PLXDC1: variants seen among roughly 807,000 people sequenced by gnomAD.
The protein encoded by PLXDC1 is plexin domain containing 1.
PLXDC1 carries 39 observed loss-of-function variants against 61.3 expected under a neutral mutation model. The observed-to-expected ratio is 0.64, with a 90% CI of 0.49 to 0.83. The LOEUF (loss-of-function observed/expected upper bound fraction) is 0.83. Ranked by LOEUF, PLXDC1 falls within the 40% of genes least tolerant of loss-of-function variation. PLXDC1 has a pLI of 0.00. For missense variants in PLXDC1, 596 were observed against 666.5 expected, an observed-to-expected ratio of 0.89 and a Z score of 1.17; for synonymous variants, 212 against 254.5, an observed-to-expected ratio of 0.83 and a Z score of 1.59.
intron 1 of PLXDC1, among the ~76,000 whole-genome samples, chr17:39,142,438 C>G (rs961530480): frequency 6.6e-6 from 1 of 152,212 alleles, no homozygotes; most frequent in African/African-American, 2.4e-5. Flanking sequence ...CAGGCCATTT[C>G]GCGGCCATGC....
intron 2 of PLXDC1, among the ~76,000 whole-genome samples, chr17:39,112,460 T>TTC (rs1567764778): frequency 2.1e-5 from 3 of 145,890 alleles, no homozygotes; most frequent in Non-Finnish European, 4.5e-5. Context: ...TTTCTTTCTT[T>TTC]TTTTTTTTTT....
At chr17:39,146,607 T>G (rs1376052647) in intron 1 of PLXDC1, among the ~76,000 whole-genome samples, 2 of 151,432 alleles carry the variant, frequency 1.3e-5, no homozygotes, top group Non-Finnish European at 2.9e-5. Context: ...AGCCCAGGAG[T>G]TGGAGATCAG....
chr17:39,152,524 C>T (rs1235277990), upstream of PLXDC1: 12 of 1,238,384 alleles, frequency 9.7e-6, no homozygotes, highest in South Asian at 3.7e-5. Context: ...CACGAAGATG[C>T]CTCTTCCCTC....
chr17:39,089,697 A>G (rs1018665683), intron 7 of PLXDC1, among the ~76,000 whole-genome samples: 1 of 152,174 alleles, frequency 6.6e-6, no homozygotes, highest in Non-Finnish European at 1.5e-5. Context: ...GGCATCCACA[A>G]AGGGGTGGGC....
chr17:39,085,125 T>C (rs568596957), intron 8 of PLXDC1, among the ~76,000 whole-genome samples: 1 of 152,366 alleles, frequency 6.6e-6, no homozygotes, highest in South Asian at 2.1e-4. Context: ...ATGTGATCCA[T>C]TAACTCAGGA....
chr17:39,092,274 G>A (rs377015417), intron 7 of PLXDC1, among the ~76,000 whole-genome samples: 37 of 151,990 alleles, frequency 2.4e-4, no homozygotes, highest in African/African-American at 8.4e-4. Context: ...GGGTCTCCCT[G>A]TACTACCCAG....
chr17:39,083,655 C>T (rs1393796557), intron 8 of PLXDC1, 115 bp from the exon 9 acceptor site: 5 of 785,422 alleles, frequency 6.4e-6, no homozygotes, highest in Non-Finnish European at 1.1e-5. Context: ...TTTGAGGAGA[C>T]CTTTAAGGTC....
At chr17:39,095,077 A>T (rs1910098898) in intron 7 of PLXDC1, among the ~76,000 whole-genome samples, 1 of 152,068 alleles carries the variant, frequency 6.6e-6, no homozygotes, top group Admixed American at 6.5e-5. Context: ...TCTCCTAGAA[A>T]CTTCACACCA....
At chr17:39,095,709 G>GGCTGGAGT (rs2143567373) in intron 7 of PLXDC1, among the ~76,000 whole-genome samples, 1 of 151,894 alleles carries the variant, frequency 6.6e-6, no homozygotes, top group East Asian at 1.9e-4. Context: ...CTGTCGCCCA[G>GGCTGGAGT]GCTGGAGTGC....
chr17:39,130,498 T>C (rs1911523351), intron 2 of PLXDC1, among the ~76,000 whole-genome samples: 1 of 152,000 alleles, frequency 6.6e-6, no homozygotes, highest in African/African-American at 2.4e-5. Context: ...GGATGGGGGG[T>C]TGGTTGCACA....
At chr17:39,080,295 T>G (rs1909506644) in intron 9 of PLXDC1, 1 of 151,518 alleles carries the variant, frequency 6.6e-6, no homozygotes, top group Non-Finnish European at 1.5e-5. Context: ...AAAAAATAGT[T>G]TCTTTTAGAC....
intron 1 of PLXDC1, among the ~76,000 whole-genome samples, chr17:39,140,804 G>A (rs1292134040): frequency 6.6e-6 from 1 of 152,150 alleles, no homozygotes; most frequent in East Asian, 1.9e-4. Flanking sequence ...CTCAACCTCG[G>A]TACTATTGAC....
intron 11 of PLXDC1, among the ~76,000 whole-genome samples, chr17:39,077,267 C>T (rs1021905264): frequency 6.6e-6 from 1 of 152,172 alleles, no homozygotes; most frequent in Non-Finnish European, 1.5e-5. Context: ...GATTTGAGGC[C>T]TAGGACCGGA....
intron 7 of PLXDC1, among the ~76,000 whole-genome samples, chr17:39,092,562 A>G (rs960707928): frequency 5.9e-5 from 9 of 152,268 alleles, no homozygotes; most frequent in African/African-American, 1.4e-4. Flanking sequence ...GCAGCCTTGC[A>G]GGTTCCCTGG....
chr17:39,080,806 C>G (rs1909528875), intron 9 of PLXDC1: 1 of 152,278 alleles, frequency 6.6e-6, no homozygotes, highest in Non-Finnish European at 1.5e-5. Flanking sequence ...CAGATGCACA[C>G]AGTCAGAGGC....
At position 39,063,860 on chromosome 17, in the gene PLXDC1, T is replaced by C; in HGVS notation, c.*3980A>G. The C allele has an allele frequency of 4.7e-6, 1 of 210,920 alleles. No individual in the cohort carries two copies. Among genetic ancestry groups the C allele is most frequent in the Non-Finnish European group, 9.6e-6 (1 of 104,320 alleles). 13.1% of individuals were successfully genotyped at this position (210,920 alleles called of 1,614,324 possible). A position where few individuals can be genotyped will look rare whatever the true frequency, so the allele number is the denominator to read the frequency against. On this transcript the variant is annotated 3_prime_UTR_variant, in exon 14 of 14. Coordinates refer to ENST00000315392, the MANE Select transcript of PLXDC1 (RefSeq NM_020405.5). Reference sequence around the variant, plus strand: ...AGTGCAGCCCCTGATCAGTGCTTCATGCCAATCTGTGAGTCTGTTCCAGGA... The same window carrying C: ...AGTGCAGCCCCTGATCAGTGCTTCACGCCAATCTGTGAGTCTGTTCCAGGA...
Position 39,067,452 on chromosome 17 carries a change from T to C in PLXDC1, c.*388A>G, listed in dbSNP as rs1471183382. ...CCCAGAGTTAGTTTTGCAAACGGCATGATTCCTGTTTTTGCGTTTTATGTC... is the reference window on the plus strand; with the variant it reads ...CCCAGAGTTAGTTTTGCAAACGGCACGATTCCTGTTTTTGCGTTTTATGTC... On this transcript the variant is annotated 3_prime_UTR_variant, in exon 14 of 14. Transcript: ENST00000315392. 1 of 163,604 alleles carries C rather than the reference T, an allele frequency of 6.1e-6. No individual in the cohort carries two copies. The highest frequency in any genetic ancestry group is 1.3e-5 in the Non-Finnish European group (1 of 75,184). 10.1% of individuals were successfully genotyped at this position (163,604 alleles called of 1,614,324 possible).
chr17:39,083,712 C>CTTTTTTTTTTTT (rs146279249), intron 8 of PLXDC1, among the ~76,000 whole-genome samples, 172 bp from the exon 9 acceptor site: 12 of 152,104 alleles, frequency 7.9e-5, no homozygotes, highest in African/African-American at 2.7e-4. Context: ...TTCCTAACTT[C>CTTTTTTTTTTTT]TTTTTTTAAG....
chr17:39,095,917 G>A (rs1049258135), intron 7 of PLXDC1, among the ~76,000 whole-genome samples: 4 of 152,050 alleles, frequency 2.6e-5, no homozygotes, highest in African/African-American at 9.7e-5. Context: ...CACCCGCCTC[G>A]GCCTCTCAAA....
Sources: allele counts gnomAD v4.1 joint callset (sites outside exome capture counted in the v4.1 genomes callset), GRCh38; gene constraint gnomAD v4.1.1; transcripts MANE v1.5; gene names NCBI Gene and HGNC (gene_info 2026-07-23, HGNC 2026-07-21).